IQSEC1: variants seen among roughly 807,000 people sequenced by gnomAD.
The protein encoded by IQSEC1 is IQ motif and SEC7 domain-containing protein 1.
IQSEC1 carries 31 observed loss-of-function variants against 91.0 expected under a neutral mutation model. The ratio of observed to expected loss-of-function variants is 0.34; its 90% CI spans 0.26 to 0.46. IQSEC1 has a LOEUF of 0.46. Ranked by LOEUF, IQSEC1 falls within the 20% of genes least tolerant of loss-of-function variation. The probability of loss-of-function intolerance (pLI) is 1.00; values close to 1 mark genes in which losing one functional copy is unlikely to be tolerated. For synonymous variants in IQSEC1, 699 were observed against 662.6 expected, an observed-to-expected ratio of 1.05 and a Z score of -0.84; for missense variants, 1,388 against 1,575.6, an observed-to-expected ratio of 0.88 and a Z score of 2.02.
intron 1 of IQSEC1, among the ~76,000 whole-genome samples, chr3:13,242,835 G>A (rs4684127): frequency 0.032 from 4,849 of 152,054 alleles, 108 homozygotes; most frequent in South Asian, 0.074. Context: ...ACATCCCAGT[G>A]CTGGAGCAAA....
intron 1 of IQSEC1, among the ~76,000 whole-genome samples, chr3:13,271,116 G>A (rs1321503529): frequency 6.6e-6 from 1 of 152,124 alleles, no homozygotes; most frequent in Non-Finnish European, 1.5e-5. Context: ...GGTGGCTCAT[G>A]CCTGTAATCC....
intron 1 of IQSEC1, 73 bp from the exon 2 acceptor site, chr3:12,941,938 G>T: frequency 7.4e-7 from 1 of 1,357,214 alleles, no homozygotes; most frequent in South Asian, 1.4e-5. Context: ...CGTGGGGCGT[G>T]ACCCCACCAT....
chr3:12,901,213 G>A lies in IQSEC1; in HGVS notation c.3115C>T (p.Pro1039Ser). 3 of 1,547,608 alleles carry A rather than the reference G, an allele frequency of 1.9e-6. No individual in the cohort carries two copies. Among genetic ancestry groups the A allele is most frequent in the Non-Finnish European group, 1.7e-6 (2 of 1,145,788 alleles). Reference sequence around the variant, plus strand: ...TGGTGGTGGTGGTGATGGTGGTACGGGGGAGGGTTCTGCATGTGGCAGTAC... The same window carrying A: ...TGGTGGTGGTGGTGATGGTGGTACGAGGGAGGGTTCTGCATGTGGCAGTAC... ...TQYCHMQNPP[P>S]YHHHHHHHPP... Residue 1039 changes from proline (P) to serine (S), a missense_variant, in exon 14 of 14, where the codon CCG becomes TCG. By Grantham distance (74) the Pro-to-Ser change is moderately conservative. Coordinates refer to ENST00000613206, the MANE Select transcript of IQSEC1 (RefSeq NM_001134382.3).
intron 1 of IQSEC1, among the ~76,000 whole-genome samples, chr3:12,943,156 G>T (rs1319535325): frequency 6.6e-6 from 1 of 152,192 alleles, no homozygotes; most frequent in Non-Finnish European, 1.5e-5. Flanking sequence ...GATGACCCAG[G>T]TAGGAAGTAG....
At chr3:13,027,384 T>C (rs1703661986) in intron 1 of IQSEC1, among the ~76,000 whole-genome samples, 1 of 152,148 alleles carries the variant, frequency 6.6e-6, no homozygotes, top group Non-Finnish European at 1.5e-5. Context: ...AAGTCCATCT[T>C]ATGGAGCACA....
intron 1 of IQSEC1, among the ~76,000 whole-genome samples, chr3:13,017,912 G>A (rs1703216293): frequency 6.6e-6 from 1 of 152,114 alleles, no homozygotes; most frequent in South Asian, 2.1e-4. Flanking sequence ...TCAGCTCTGG[G>A]CTCTTCCCGG....
rs1288200277 is a variant in IQSEC1, at chr3:12,924,199, C to T, written c.1730+382G>A. Among the ~76,000 whole-genome samples the T allele has an allele frequency of 6.6e-6, 1 of 152,184 alleles. No homozygotes were observed. The highest frequency in any genetic ancestry group is 1.5e-5 in the Non-Finnish European group (1 of 68,022). Reference sequence around the variant, plus strand: ...CAGGGGAAGAGGCCCTGACGTCCAGCTGCCTGCTCCTGCCAGCCCTGCCAT... The same window carrying T: ...CAGGGGAAGAGGCCCTGACGTCCAGTTGCCTGCTCCTGCCAGCCCTGCCAT... On this transcript the variant is annotated intron_variant, in intron 4 of 13. Coordinates refer to ENST00000613206, the MANE Select transcript of IQSEC1 (RefSeq NM_001134382.3). The surrounding 1 kb of genome is among the most constrained non-coding windows in gnomAD (Gnocchi z 6.3).
rs115473877 is a variant in IQSEC1, at chr3:13,236,086, G to A, written c.272+46625C>T. Among the ~76,000 whole-genome samples the A allele has an allele frequency of 4.0e-3, 602 of 151,958 alleles. 4 individuals are homozygous for A. Among genetic ancestry groups the A allele is most frequent in the African/African-American group, 0.013 (558 of 41,452 alleles). On this transcript the variant is annotated intron_variant, in intron 1 of 15. Transcript: ENST00000648114. ...TGTATGAATGCCGGGCCCTGGCGCC[G>A]TGCCAGGCTCACCAACCTTTACTCA...
At chr3:13,246,156 C>T (rs955243833) in intron 1 of IQSEC1, among the ~76,000 whole-genome samples, 4 of 152,210 alleles carry the variant, frequency 2.6e-5, no homozygotes, top group African/African-American at 9.6e-5. Flanking sequence ...GCGGCCTATC[C>T]ATGCAAGGGA....
At chr3:12,957,954 T>C (rs146885057) in intron 1 of IQSEC1, among the ~76,000 whole-genome samples, 633 of 152,336 alleles carry the variant, frequency 4.2e-3, no homozygotes, top group Non-Finnish European at 6.9e-3. Flanking sequence ...AGGTACTATA[T>C]CATCTTCCCA....
At chr3:13,000,598 C>T (rs184391933) in intron 1 of IQSEC1, among the ~76,000 whole-genome samples, 6 of 152,318 alleles carry the variant, frequency 3.9e-5, no homozygotes, top group Non-Finnish European at 5.9e-5. Context: ...TTTACTAGGA[C>T]GAGCACAGGG....
chr3:13,226,291 T>C (rs550626799), intron 1 of IQSEC1, among the ~76,000 whole-genome samples: 1 of 152,350 alleles, frequency 6.6e-6, no homozygotes, highest in Non-Finnish European at 1.5e-5. Context: ...AGTACTTGCC[T>C]GGCCCTGTGT....
Position 12,915,660 on chromosome 3 carries a change from T to C in IQSEC1, c.2094A>G (p.Leu698=). The change falls in exon 7 of 14, where the codon CTA becomes CTG. Residue 698 remains leucine, a synonymous_variant. Transcript: ENST00000613206. Reference sequence around the variant, plus strand: ...GGGACACATGGTCCTCATTGGTCTTTAGCTCTCGCTTACGGATCCGTTCAT... The same window carrying C: ...GGGACACATGGTCCTCATTGGTCTTCAGCTCTCGCTTACGGATCCGTTCAT... ...GIYERIRKRE[L]KTNEDHVSQV... The C allele has an allele frequency of 4.3e-6, 7 of 1,614,196 alleles. No homozygotes were observed. Among genetic ancestry groups the C allele is most frequent in the Non-Finnish European group, 5.9e-6 (7 of 1,180,022 alleles).
At chr3:13,173,284 C>T (rs1269871855) in intron 1 of IQSEC1, among the ~76,000 whole-genome samples, 1 of 152,224 alleles carries the variant, frequency 6.6e-6, no homozygotes, top group African/African-American at 2.4e-5. Context: ...AGGGATGCTG[C>T]TCCCGGCTCT....
At chr3:12,990,299 G>C (rs1232300270) in intron 1 of IQSEC1, among the ~76,000 whole-genome samples, 1 of 152,210 alleles carries the variant, frequency 6.6e-6, no homozygotes, top group African/African-American at 2.4e-5. Context: ...ACACACCGAT[G>C]AGGGAAACTC....
intron 1 of IQSEC1, among the ~76,000 whole-genome samples, chr3:13,168,925 T>C (rs962292088): frequency 6.6e-6 from 1 of 152,266 alleles, no homozygotes; most frequent in African/African-American, 2.4e-5. Context: ...GTCTTATTTG[T>C]CTACTTGCTT....
Position 12,900,125 on chromosome 3 carries a change from CATT to C in IQSEC1, c.*855_*857del, listed in dbSNP as rs930136986. 3.4e-5 allele frequency: 33 copies of C among 972,854 alleles called. No individual in the cohort carries two copies. Among genetic ancestry groups the C allele is most frequent in the Non-Finnish European group, 3.9e-5 (32 of 818,766 alleles). The allele number at this position is 972,854 out of a possible 1,614,324, so 60.3% of individuals were successfully genotyped here. A position where few individuals can be genotyped will look rare whatever the true frequency, so the allele number is the denominator to read the frequency against. Reference sequence around the variant, plus strand: ...GCTATTTGCTTACCTGAAATAACAGCATTATAATACTATTTATGATAGTATTCT... The same window carrying C: ...GCTATTTGCTTACCTGAAATAACAGCATAATACTATTTATGATAGTATTCT... On this transcript the variant is annotated 3_prime_UTR_variant, in exon 14 of 14. Transcript: ENST00000613206.
intron 3 of IQSEC1, among the ~76,000 whole-genome samples, chr3:12,927,877 T>G (rs368004796): frequency 1.5e-3 from 223 of 149,738 alleles, no homozygotes; most frequent in African/African-American, 5.0e-3. Context: ...CTGAGGTGGG[T>G]GGGGAGACCT....
At chr3:13,100,410 A>G (rs1480869028) in intron 2 of IQSEC1, among the ~76,000 whole-genome samples, 1 of 148,522 alleles carries the variant, frequency 6.7e-6, no homozygotes, top group Non-Finnish European at 1.5e-5. Flanking sequence ...CCCTTGTATG[A>G]AGAAGTTACT....
Sources: gnomAD v4.1 joint callset for allele counts (sites outside exome capture counted in the v4.1 genomes callset) on GRCh38, gnomAD v4.1.1 for gene constraint, Gnocchi (gnomAD v3.1) non-coding constraint, MANE v1.5 for transcripts, NCBI Gene and HGNC (gene_info 2026-07-23, HGNC 2026-07-21) for gene names.